The following SHISA6 variants were observed in gnomAD, a reference collection of about 807,000 sequenced individuals.
SHISA6 encodes shisa family member 6, also known as protein shisa-6.
SHISA6 carries 22 observed loss-of-function variants against 47.9 expected under a neutral mutation model. The observed-to-expected ratio is 0.46, with a 90% confidence interval of 0.33 to 0.66. The LOEUF is 0.66. Among genes scored for constraint, SHISA6 ranks in the 30% least tolerant of loss-of-function variants. The probability of loss-of-function intolerance (pLI) is 0.02; values close to 1 mark genes in which losing one functional copy is unlikely to be tolerated. For synonymous variants in SHISA6, 388 were observed against 337.8 expected (o/e 1.15, Z -1.63); for missense variants, 680 against 764.6 (o/e 0.89, Z 1.30).
intron 2 of SHISA6, among the ~76,000 whole-genome samples, chr17:11,341,139 A>G (rs750063983): frequency 6.9e-4 from 105 of 152,128 alleles, no homozygotes; most frequent in Admixed American, 1.2e-3. Context: ...GGTTACAGGG[A>G]TGGGAGCATC....
intron 1 of SHISA6, among the ~76,000 whole-genome samples, chr17:11,251,560 T>C (rs1907809017): frequency 6.6e-6 from 1 of 151,944 alleles, no homozygotes; most frequent in Non-Finnish European, 1.5e-5. Context: ...GACCTAGGGA[T>C]ATTTCTAGTT....
intron 2 of SHISA6, chr17:11,289,177 T>C (rs1168482531): frequency 6.6e-6 from 1 of 152,204 alleles, no homozygotes; most frequent in Non-Finnish European, 1.5e-5. Flanking sequence ...TAAGGGGATA[T>C]CTATTTAAAT....
At chr17:11,416,165 A>G (rs1179960478) in intron 3 of SHISA6, among the ~76,000 whole-genome samples, 2 of 152,200 alleles carry the variant, frequency 1.3e-5, no homozygotes, top group Admixed American at 1.3e-4. Flanking sequence ...TTAGGCTTCA[A>G]CATAGGAATT....
At chr17:11,421,725 G>GT (rs1914456316) in intron 3 of SHISA6, among the ~76,000 whole-genome samples, 1 of 152,240 alleles carries the variant, frequency 6.6e-6, no homozygotes, top group Non-Finnish European at 1.5e-5. Context: ...ACAGGTTCCA[G>GT]TAAGATAGCA....
chr17:11,436,482 A>T (rs1914943379), intron 3 of SHISA6, among the ~76,000 whole-genome samples: 1 of 152,298 alleles, frequency 6.6e-6, no homozygotes, highest in East Asian at 1.9e-4. Flanking sequence ...ACAACTACTT[A>T]TGGATTTCTG....
intron 2 of SHISA6, among the ~76,000 whole-genome samples, chr17:11,335,067 A>G (rs901887999): frequency 1.3e-5 from 2 of 152,228 alleles, no homozygotes; most frequent in African/African-American, 4.8e-5. Context: ...TTCGTAGGAC[A>G]CGTGGAAGAA....
chr17:11,452,385 T>C (rs1330577042), intron 3 of SHISA6, among the ~76,000 whole-genome samples: 3 of 152,144 alleles, frequency 2.0e-5, no homozygotes, highest in African/African-American at 7.2e-5. Context: ...CCAGTCCTGT[T>C]TCCTCTCTTT....
intron 1 of SHISA6, among the ~76,000 whole-genome samples, chr17:11,254,712 A>G (rs1907946246): frequency 6.6e-6 from 1 of 152,206 alleles, no homozygotes; most frequent in Non-Finnish European, 1.5e-5. Flanking sequence ...CCTGAGATCC[A>G]CTTCCTGGAG....
At chr17:11,272,837 T>C (rs138826194) in intron 2 of SHISA6, among the ~76,000 whole-genome samples, 101 of 152,166 alleles carry the variant, frequency 6.6e-4, no homozygotes, top group African/African-American at 2.2e-3. Flanking sequence ...ACAGAGCAAG[T>C]TGAGATGTCT....
intron 3 of SHISA6, among the ~76,000 whole-genome samples, chr17:11,477,141 CTA>C (rs1597539041): frequency 6.6e-6 from 1 of 152,252 alleles, no homozygotes; most frequent in East Asian, 1.9e-4. Context: ...TACTTGCAAT[CTA>C]TATGTGTCTT....
intron 3 of SHISA6, among the ~76,000 whole-genome samples, chr17:11,496,535 C>T (rs2071410359): frequency 1.3e-5 from 2 of 151,868 alleles, no homozygotes; most frequent in Non-Finnish European, 2.9e-5. Flanking sequence ...GTCAGGAGTT[C>T]GAGACCAGCC....
At chr17:11,541,856 G>A (rs1239247531) in intron 3 of SHISA6, among the ~76,000 whole-genome samples, 1 of 152,218 alleles carries the variant, frequency 6.6e-6, no homozygotes, top group Non-Finnish European at 1.5e-5. Flanking sequence ...GCTAGAGGAT[G>A]ATTGGGGAGA....
intron 2 of SHISA6, among the ~76,000 whole-genome samples, chr17:11,354,519 G>A (rs1378225866): frequency 6.6e-6 from 1 of 152,190 alleles, no homozygotes; most frequent in African/African-American, 2.4e-5. Flanking sequence ...ATTCTCAGTT[G>A]GAGGGGCATA....
At chr17:11,304,803 G>T (rs902903015) in intron 2 of SHISA6, among the ~76,000 whole-genome samples, 1 of 151,944 alleles carries the variant, frequency 6.6e-6, no homozygotes, top group Non-Finnish European at 1.5e-5. Flanking sequence ...GTTCCCGGTA[G>T]GAGCTGGGGA....
intron 3 of SHISA6, among the ~76,000 whole-genome samples, chr17:11,518,550 A>T (rs1423429548): frequency 2.6e-5 from 4 of 152,140 alleles, no homozygotes; most frequent in Non-Finnish European, 4.4e-5. Context: ...TATGATTCCA[A>T]ATCTCAGATT....
At chr17:11,287,092 G>A (rs1711928842) in intron 2 of SHISA6, among the ~76,000 whole-genome samples, 1 of 152,072 alleles carries the variant, frequency 6.6e-6, no homozygotes, top group Non-Finnish European at 1.5e-5. Context: ...ATGTGAAAAT[G>A]CAGTGAGTAA....
At chr17:11,414,950 G>T (rs760095476) in intron 3 of SHISA6, among the ~76,000 whole-genome samples, 1 of 152,088 alleles carries the variant, frequency 6.6e-6, no homozygotes, top group Non-Finnish European at 1.5e-5. Flanking sequence ...GCCGGGCGTG[G>T]TGGCACACGC....
At chr17:11,480,610 G>A (rs1916186362) in intron 3 of SHISA6, among the ~76,000 whole-genome samples, 1 of 152,094 alleles carries the variant, frequency 6.6e-6, no homozygotes, top group Admixed American at 6.6e-5. Context: ...CCCCACATGG[G>A]TTCCAAGAAG....
At chr17:11,267,727 A>G (rs1908479764) in intron 2 of SHISA6, among the ~76,000 whole-genome samples, 1 of 152,206 alleles carries the variant, frequency 6.6e-6, no homozygotes, top group Non-Finnish European at 1.5e-5. Context: ...CTGGCTAGGC[A>G]GAGTGAGTGT....
Sources: allele counts gnomAD v4.1 joint callset (sites outside exome capture counted in the v4.1 genomes callset), GRCh38; gene constraint gnomAD v4.1.1; transcripts MANE v1.5; gene names NCBI Gene and HGNC (gene_info 2026-07-23, HGNC 2026-07-21).